TTC28: variants seen among roughly 807,000 people sequenced by gnomAD.
TTC28 encodes tetratricopeptide repeat domain 28.
Under a neutral mutation model 198.0 loss-of-function variants are expected in TTC28, and 61 were observed. That is an observed-to-expected ratio of 0.31 (90% CI 0.25 to 0.38). The LOEUF is 0.38. Ranked by LOEUF, TTC28 falls within the 10% of genes least tolerant of loss-of-function variation. The probability of loss-of-function intolerance (pLI) is 1.00; values close to 1 mark genes in which losing one functional copy is unlikely to be tolerated. For synonymous variants in TTC28, 1,171 were observed against 1,297.8 expected, an observed-to-expected ratio of 0.90 and a Z score of 2.10; for missense variants, 2,678 against 3,164.0, an observed-to-expected ratio of 0.85 and a Z score of 3.69.
At chr22:28,356,056 T>C (rs936257896) in intron 2 of TTC28, among the ~76,000 whole-genome samples, 3 of 152,356 alleles carry the variant, frequency 2.0e-5, no homozygotes, top group South Asian at 2.1e-4. Flanking sequence ...AATGATATGA[T>C]AGATTTTCAG....
At position 28,139,471 on chromosome 22, in the gene TTC28, C is replaced by T. The variant is rs189870574; in HGVS notation, c.1441+23621G>A. ...ATTAAGGGCATTTTAATCAAGACTG[C>T]TTTTAGGAACCATGAGCACTAGGAT... On this transcript the variant is annotated intron_variant, in intron 6 of 22. Coordinates refer to ENST00000397906, the MANE Select transcript of TTC28 (RefSeq NM_001145418.2). Among the ~76,000 whole-genome samples, 21 of 152,226 alleles carry T rather than the reference C, an allele frequency of 1.4e-4. 1 individual carries two copies. The highest frequency in any genetic ancestry group is 3.9e-4 in the Admixed American group (6 of 15,288).
At chr22:28,593,732 C>T (rs2050483455) in intron 2 of TTC28, among the ~76,000 whole-genome samples, 1 of 152,090 alleles carries the variant, frequency 6.6e-6, no homozygotes, top group Non-Finnish European at 1.5e-5. Context: ...TATGTATCAA[C>T]TATTCAAAAA....
At chr22:28,209,401 G>A (rs1431297676) in intron 5 of TTC28, among the ~76,000 whole-genome samples, 2 of 152,166 alleles carry the variant, frequency 1.3e-5, no homozygotes, top group African/African-American at 2.4e-5. Context: ...GGGAAGCCGT[G>A]ACAGACCGTA....
intron 5 of TTC28, among the ~76,000 whole-genome samples, chr22:28,260,730 C>T (rs1227356119): frequency 1.3e-5 from 2 of 152,198 alleles, no homozygotes; most frequent in South Asian, 2.1e-4. Flanking sequence ...GATTTGGCAC[C>T]CAGTAAATCT....
At chr22:28,518,928 G>A (rs2048844816) in intron 2 of TTC28, among the ~76,000 whole-genome samples, 1 of 152,128 alleles carries the variant, frequency 6.6e-6, no homozygotes, top group Non-Finnish European at 1.5e-5. Context: ...TGTTTTTCTT[G>A]TCAACTGTGT....
intron 2 of TTC28, among the ~76,000 whole-genome samples, chr22:28,543,566 G>A (rs181877373): frequency 3.3e-5 from 5 of 151,732 alleles, no homozygotes; most frequent in Admixed American, 6.6e-5. Context: ...AGGGAGAAGA[G>A]AAAATCTGAA....
intron 2 of TTC28, among the ~76,000 whole-genome samples, chr22:28,596,241 G>A (rs2050541078): frequency 6.6e-6 from 1 of 152,138 alleles, no homozygotes; most frequent in African/African-American, 2.4e-5. Flanking sequence ...CCAAAGTGGG[G>A]AAGAAATGCA....
intron 2 of TTC28, among the ~76,000 whole-genome samples, chr22:28,386,001 G>A (rs2046577436): frequency 6.6e-6 from 1 of 152,110 alleles, no homozygotes; most frequent in Non-Finnish European, 1.5e-5. Flanking sequence ...ACCAGGCCGG[G>A]CGCGGTGGCT....
chr22:28,293,017 C>A lies in TTC28; in HGVS notation c.933+3181G>T, dbSNP rs956641539. Among the ~76,000 whole-genome samples the A allele has an allele frequency of 3.9e-5, 6 of 152,220 alleles. No homozygotes were observed. In the South Asian group the frequency reaches 1.2e-3, roughly 32 times the overall value. On this transcript the variant is annotated intron_variant, in intron 5 of 22. Coordinates refer to ENST00000397906, the MANE Select transcript of TTC28 (RefSeq NM_001145418.2). ...TCACTTTAGATATTTTGTACATTCC[C>A]GTAAGTTCTAAACCAATATTAACTC...
intron 2 of TTC28, among the ~76,000 whole-genome samples, chr22:28,463,282 A>G (rs979808196): frequency 5.3e-5 from 8 of 152,178 alleles, no homozygotes; most frequent in African/African-American, 1.7e-4. Flanking sequence ...TTTTGGTTCC[A>G]TATGAATTTT....
intron 2 of TTC28, among the ~76,000 whole-genome samples, chr22:28,529,092 G>A (rs941910936): frequency 6.6e-6 from 1 of 152,188 alleles, no homozygotes; most frequent in Non-Finnish European, 1.5e-5. Context: ...CACAGAGTGT[G>A]AGCCGAAGCA....
At chr22:28,537,549 T>C (rs2049320611) in intron 2 of TTC28, among the ~76,000 whole-genome samples, 1 of 151,954 alleles carries the variant, frequency 6.6e-6, no homozygotes, top group Non-Finnish European at 1.5e-5. Context: ...TTTTTAAATC[T>C]TGGAGTAGGG....
chr22:28,462,062 TCTC>T, intron 2 of TTC28, among the ~76,000 whole-genome samples: 1 of 152,220 alleles, frequency 6.6e-6, no homozygotes, highest in Admixed American at 6.5e-5. Flanking sequence ...TAGAATTTCC[TCTC>T]CTATTATCTT....
intron 12 of TTC28, among the ~76,000 whole-genome samples, chr22:28,091,181 T>C (rs1425071497): frequency 6.6e-6 from 1 of 152,208 alleles, no homozygotes; most frequent in Non-Finnish European, 1.5e-5. Context: ...AAAAGGCACC[T>C]GGAAACAGAA....
chr22:28,520,055 A>C (rs2048871751), intron 2 of TTC28, among the ~76,000 whole-genome samples: 1 of 152,164 alleles, frequency 6.6e-6, no homozygotes, highest in South Asian at 2.1e-4. Context: ...AATAAGACAA[A>C]TTGATTTACA....
intron 2 of TTC28, among the ~76,000 whole-genome samples, chr22:28,461,509 T>A (rs1305890494): frequency 6.6e-6 from 1 of 152,072 alleles, no homozygotes; most frequent in African/African-American, 2.4e-5. Context: ...TGATCTTGGC[T>A]CACTGTAGCA....
chr22:28,065,207 T>C (rs535703667), intron 12 of TTC28, among the ~76,000 whole-genome samples: 2 of 152,304 alleles, frequency 1.3e-5, no homozygotes, highest in South Asian at 4.1e-4. Context: ...ACACGTTCTC[T>C]TCCCACAGTG....
At chr22:28,340,780 C>T (rs1248456014) in intron 2 of TTC28, among the ~76,000 whole-genome samples, 2 of 152,152 alleles carry the variant, frequency 1.3e-5, no homozygotes, top group African/African-American at 4.8e-5. Context: ...ATTCACAAGT[C>T]ACATTATCAT....
intron 5 of TTC28, among the ~76,000 whole-genome samples, chr22:28,216,044 G>A (rs1482689927): frequency 4.6e-5 from 7 of 152,094 alleles, no homozygotes; most frequent in Admixed American, 1.3e-4. Context: ...GAACCTATAG[G>A]GCTAGGCATT....
Sources: allele counts gnomAD v4.1 joint callset (sites outside exome capture counted in the v4.1 genomes callset), GRCh38; gene constraint gnomAD v4.1.1; transcripts MANE v1.5; gene names NCBI Gene and HGNC (gene_info 2026-07-23, HGNC 2026-07-21).